The following NLK variants were observed in gnomAD, a reference collection of about 807,000 sequenced individuals.
NLK encodes serine/threonine-protein kinase NLK.
Under a neutral mutation model 59.0 loss-of-function variants are expected in NLK, and 11 were observed. That is an observed-to-expected ratio of 0.19 (90% confidence interval 0.12 to 0.31). NLK has a LOEUF of 0.31. Among genes scored for constraint, NLK ranks in the 10% least tolerant of loss-of-function variants. The pLI is 1.00. For missense variants in NLK, 410 were observed against 661.1 expected (o/e 0.62, Z 4.16); for synonymous variants, 235 against 235.9 (o/e 1.00, Z 0.03).
At chr17:28,185,073 A>G in intron 7 of NLK, 106 bp from the exon 8 acceptor site, 1 of 472,384 alleles carries the variant, frequency 2.1e-6, no homozygotes, top group Non-Finnish European at 3.6e-6. Context: ...GTTTAGACAC[A>G]CATTGCCTTT....
At chr17:28,122,815 G>A in intron 2 of NLK, 83 bp downstream of exon 2, 1 of 1,502,094 alleles carries the variant, frequency 6.7e-7, no homozygotes, top group Non-Finnish European at 9.1e-7. Flanking sequence ...AGTTTAAAAG[G>A]GCACCTATAA....
At chr17:28,184,594 G>A (rs986407044) in intron 7 of NLK, among the ~76,000 whole-genome samples, 1 of 152,028 alleles carries the variant, frequency 6.6e-6, no homozygotes, top group African/African-American at 2.4e-5. Context: ...TTTGCAATTC[G>A]TTTTCATTTT....
intron 1 of NLK, among the ~76,000 whole-genome samples, chr17:28,084,107 CAG>C (rs1220362072): frequency 3.3e-5 from 5 of 152,312 alleles, no homozygotes; most frequent in Middle Eastern, 3.4e-3. Flanking sequence ...ACGCTGGACT[CAG>C]AGGTAGCAAC....
chr17:28,184,615 C>G (rs534178835), intron 7 of NLK, among the ~76,000 whole-genome samples: 3 of 152,252 alleles, frequency 2.0e-5, no homozygotes, highest in African/African-American at 7.2e-5. Context: ...TTTATAGACT[C>G]TTTTGTGCTT....
intron 6 of NLK, 51 bp downstream of exon 6, chr17:28,168,708 G>A (rs1193251111): frequency 4.2e-6 from 6 of 1,433,374 alleles, no homozygotes; most frequent in African/African-American, 1.4e-5. Flanking sequence ...AGATTTGAAG[G>A]AAAATCCATC....
At chr17:28,084,421 G>T (rs920760490) in intron 1 of NLK, among the ~76,000 whole-genome samples, 3 of 152,192 alleles carry the variant, frequency 2.0e-5, no homozygotes, top group African/African-American at 4.8e-5. Context: ...CTGAAAGCTA[G>T]TGAGTGATAG....
intron 7 of NLK, among the ~76,000 whole-genome samples, chr17:28,181,011 C>A (rs562204707): frequency 6.6e-6 from 1 of 152,040 alleles, no homozygotes; most frequent in Non-Finnish European, 1.5e-5. Flanking sequence ...CCTAGCACTT[C>A]GGGAGGCCAA....
intron 1 of NLK, among the ~76,000 whole-genome samples, chr17:28,046,612 A>G (rs1229673329): frequency 6.6e-6 from 1 of 152,162 alleles, no homozygotes; most frequent in Non-Finnish European, 1.5e-5. Flanking sequence ...ATATAAATCT[A>G]CCTTTTTGTC....
chr17:28,060,547 C>CA (rs1182658851), intron 1 of NLK, among the ~76,000 whole-genome samples: 2 of 152,118 alleles, frequency 1.3e-5, no homozygotes, highest in Non-Finnish European at 2.9e-5. Context: ...GCCGGGATTA[C>CA]AAGCATGAGC....
chr17:28,141,080 GA>G (rs1378747942), intron 3 of NLK, among the ~76,000 whole-genome samples: 2 of 152,100 alleles, frequency 1.3e-5, no homozygotes, highest in Admixed American at 1.3e-4. Context: ...GTGCATAATA[GA>G]ATATTCATTC....
chr17:28,139,022 G>A (rs1211307243), intron 3 of NLK, among the ~76,000 whole-genome samples: 6 of 152,184 alleles, frequency 3.9e-5, no homozygotes, highest in African/African-American at 1.2e-4. Flanking sequence ...TGGGGAGGCC[G>A]AGGTGGGTGG....
intron 2 of NLK, among the ~76,000 whole-genome samples, chr17:28,131,132 T>G (rs535772985): frequency 3.3e-4 from 50 of 152,170 alleles, no homozygotes; most frequent in Non-Finnish European, 4.6e-4. Context: ...ACTTAAAATT[T>G]ATAGTGAGAA....
chr17:28,044,860 T>C (rs1908999430), intron 1 of NLK, among the ~76,000 whole-genome samples: 1 of 152,240 alleles, frequency 6.6e-6, no homozygotes, highest in South Asian at 2.1e-4. Context: ...ACTTTCTTTT[T>C]TAGTGCCTTA....
intron 2 of NLK, among the ~76,000 whole-genome samples, chr17:28,127,503 A>G (rs1286108337): frequency 6.6e-6 from 1 of 152,168 alleles, no homozygotes; most frequent in African/African-American, 2.4e-5. Flanking sequence ...GCAAAGGATG[A>G]TGTAGAGGTA....
chr17:28,101,731 A>C (rs1469649237), intron 1 of NLK, among the ~76,000 whole-genome samples: 1 of 152,188 alleles, frequency 6.6e-6, no homozygotes, highest in East Asian at 1.9e-4. Flanking sequence ...TCTGTCAGTC[A>C]GGACGTTTTG....
intron 1 of NLK, among the ~76,000 whole-genome samples, chr17:28,066,719 C>T (rs1253125552): frequency 6.6e-6 from 1 of 152,166 alleles, no homozygotes; most frequent in Non-Finnish European, 1.5e-5. Flanking sequence ...ATTTGCATTC[C>T]CACCAACAAG....
intron 3 of NLK, among the ~76,000 whole-genome samples, chr17:28,136,747 G>A (rs936628742): frequency 2.0e-5 from 3 of 151,982 alleles, no homozygotes; most frequent in South Asian, 2.1e-4. Flanking sequence ...GGGATTACAG[G>A]TGCATGCCAC....
At chr17:28,122,441 A>C (rs1284206472) in intron 1 of NLK, among the ~76,000 whole-genome samples, 162 bp from the exon 2 acceptor site, 1 of 151,886 alleles carries the variant, frequency 6.6e-6, no homozygotes, top group Non-Finnish European at 1.5e-5. Flanking sequence ...ATAGATATGT[A>C]CTCTTTTATC....
At chr17:28,192,941 G>T (rs1909360728) in intron 10 of NLK, among the ~76,000 whole-genome samples, 1 of 152,170 alleles carries the variant, frequency 6.6e-6, no homozygotes, top group Non-Finnish European at 1.5e-5. Context: ...ATTTAGAGGA[G>T]AAGTCAAAAG....
Sources: gnomAD v4.1 joint callset for allele counts (sites outside exome capture counted in the v4.1 genomes callset) on GRCh38, gnomAD v4.1.1 for gene constraint, MANE v1.5 for transcripts, NCBI Gene and HGNC (gene_info 2026-07-23, HGNC 2026-07-21) for gene names.